Variants in TRAPPC6B observed in about 807,000 individuals in gnomAD.
TRAPPC6B encodes trafficking protein particle complex subunit 6B, also known as TRAPP complex subunit 6B.
TRAPPC6B carries 27 observed loss-of-function variants against 24.7 expected under a neutral mutation model. The ratio of observed to expected loss-of-function variants is 1.09; its 90% CI spans 0.81 to 1.51. The LOEUF is 1.51. Among genes scored for constraint, TRAPPC6B ranks in the 40% most tolerant of loss-of-function variants. The pLI, the probability that TRAPPC6B is intolerant of heterozygous loss-of-function variation, is 0.00. For synonymous variants in TRAPPC6B, 80 were observed against 66.6 expected (o/e 1.20, Z -0.98); for missense variants, 212 against 190.8 (o/e 1.11, Z -0.66).
At chr14:39,157,728 A>C (rs1241529764) in intron 3 of TRAPPC6B, 1 of 241,432 alleles carries the variant, frequency 4.1e-6, no homozygotes. Context: ...AAGCTATCAG[A>C]ACCAATTACG....
intron 1 of TRAPPC6B, among the ~76,000 whole-genome samples, chr14:39,164,416 C>T (rs2053087772): frequency 6.6e-6 from 1 of 152,066 alleles, no homozygotes; most frequent in Non-Finnish European, 1.5e-5. Flanking sequence ...TGCTTGAACC[C>T]AGGAGGCGGA....
chr14:39,162,324 A>AT (rs796943468), intron 1 of TRAPPC6B, among the ~76,000 whole-genome samples: 15,359 of 141,764 alleles, frequency 0.11, 2,614 homozygotes, highest in African/African-American at 0.37. Flanking sequence ...ATGCCTGGCT[A>AT]TTTTTTTTTT....
intron 5 of TRAPPC6B, among the ~76,000 whole-genome samples, chr14:39,151,148 T>G (rs1465424039): frequency 6.6e-6 from 1 of 151,968 alleles, no homozygotes; most frequent in Non-Finnish European, 1.5e-5. Flanking sequence ...TCCCAGCACT[T>G]TGGGAGGCCG....
rs924284016 is a variant in TRAPPC6B at position 39,149,579 on chromosome 14, G to A, written c.*771C>T. 1 of 152,166 alleles carries A rather than the reference G, an allele frequency of 6.6e-6. No individual in the cohort carries two copies. Among genetic ancestry groups the A allele is most frequent in the African/African-American group, 2.4e-5 (1 of 41,452 alleles). 9.4% of individuals were successfully genotyped at this position (152,166 alleles called of 1,614,324 possible). The stretch of plus-strand genomic sequence containing the variant: ...TATCCAACTCTGCTCAGCTGGAAGA[G>A]GAAAGAAGGGAATAAAGATGTTAGA... On this transcript the variant is annotated 3_prime_UTR_variant, in exon 6 of 6. Transcript: ENST00000330149.
intron 3 of TRAPPC6B, chr14:39,157,806 T>C (rs1304314733): frequency 8.9e-6 from 2 of 224,404 alleles, no homozygotes; most frequent in Non-Finnish European, 1.8e-5. Flanking sequence ...TGGCTTGAAT[T>C]GTCAAGCAGG....
At chr14:39,153,984 C>T (rs2139378312) in intron 4 of TRAPPC6B, among the ~76,000 whole-genome samples, 1 of 152,266 alleles carries the variant, frequency 6.6e-6, no homozygotes, top group Non-Finnish European at 1.5e-5. Flanking sequence ...GGATTACAGG[C>T]GTGAGCCATA....
At chr14:39,165,901 T>A (rs946647546) in intron 1 of TRAPPC6B, among the ~76,000 whole-genome samples, 15 of 152,122 alleles carry the variant, frequency 9.9e-5, no homozygotes, top group African/African-American at 3.4e-4. Flanking sequence ...CCTCCTGGGT[T>A]CAAGTGATTC....
chr14:39,161,500 T>TA (rs1372837186), intron 1 of TRAPPC6B, among the ~76,000 whole-genome samples: 2 of 152,202 alleles, frequency 1.3e-5, no homozygotes, highest in African/African-American at 2.4e-5. Flanking sequence ...CGGAATGACT[T>TA]AAGCACAAAT....
intron 1 of TRAPPC6B, 77 bp from the exon 2 acceptor site, chr14:39,159,627 G>T: frequency 9.2e-7 from 1 of 1,089,702 alleles, no homozygotes; most frequent in Non-Finnish European, 1.3e-6. Flanking sequence ...TTACAAGATT[G>T]GTTAAAAATA....
In TRAPPC6B at chr14:39,169,808, G is replaced by C. The variant is rs552354672; in HGVS notation, c.81+207C>G. ...ATAGACAAAAGAGAATCAAATAGAA[G>C]AAGATACGAAAGAGAAAACGATGAA... On this transcript the variant is annotated intron_variant, in intron 1 of 5. Coordinates refer to ENST00000330149, the MANE Select transcript of TRAPPC6B (RefSeq NM_001079537.2). 2.4e-4 allele frequency among the ~76,000 whole-genome samples: 36 copies of C among 152,286 alleles called. No homozygotes were observed. In the South Asian group the frequency reaches 6.6e-3, roughly 28 times the overall value.
At chr14:39,156,381 T>C (rs2052979623) in intron 3 of TRAPPC6B, among the ~76,000 whole-genome samples, 1 of 152,232 alleles carries the variant, frequency 6.6e-6, no homozygotes, top group South Asian at 2.1e-4. Flanking sequence ...TTTAATTTTT[T>C]ACTTAATCAA....
At chr14:39,159,743 CTTTT>C (rs76405968) in intron 1 of TRAPPC6B, among the ~76,000 whole-genome samples, 193 bp from the exon 2 acceptor site, 1 of 151,222 alleles carries the variant, frequency 6.6e-6, no homozygotes, top group Non-Finnish European at 1.5e-5. Flanking sequence ...TTACTTTTTA[CTTTT>C]TTTTTGATAA....
At position 39,169,352 on chromosome 14, in the gene TRAPPC6B, C is replaced by G. The variant is rs945837303; in HGVS notation, c.81+663G>C. Reference sequence around the variant, plus strand: ...GACTCCCACATATTAGAAGTAACCGCTACATACTATCACATTTCGGATTAA... The same window carrying G: ...GACTCCCACATATTAGAAGTAACCGGTACATACTATCACATTTCGGATTAA... On this transcript the variant is annotated intron_variant, in intron 1 of 5. Transcript: ENST00000330149. Among the ~76,000 whole-genome samples the G allele has an allele frequency of 5.3e-5, 8 of 152,146 alleles. 1 individual carries two copies. The South Asian group carries it at 1.5e-3, about 28-fold the overall frequency.
At chr14:39,169,637 T>C (rs539644615) in intron 1 of TRAPPC6B, among the ~76,000 whole-genome samples, 2 of 152,186 alleles carry the variant, frequency 1.3e-5, no homozygotes, top group South Asian at 4.1e-4. Context: ...GCTTCTCAGG[T>C]TGGCACAGGT....
intron 1 of TRAPPC6B, among the ~76,000 whole-genome samples, chr14:39,169,339 T>G (rs1267214558): frequency 8.7e-6 from 1 of 114,344 alleles, no homozygotes; most frequent in African/African-American, 3.3e-5. Context: ...CTCCCACATA[T>G]TAGAAGTAAC....
chr14:39,157,838 T>C (rs891329406), intron 3 of TRAPPC6B: 4 of 198,558 alleles, frequency 2.0e-5, no homozygotes, highest in African/African-American at 2.3e-5. Flanking sequence ...GCTAAAGAAC[T>C]TGACACCAAA....
chr14:39,155,898 T>A (rs566014201), intron 3 of TRAPPC6B, among the ~76,000 whole-genome samples: 1 of 152,218 alleles, frequency 6.6e-6, no homozygotes, highest in South Asian at 2.1e-4. Context: ...TTTCACTGTA[T>A]CCTTGAACTC....
At chr14:39,168,080 G>C (rs949464138) in intron 1 of TRAPPC6B, among the ~76,000 whole-genome samples, 1 of 151,974 alleles carries the variant, frequency 6.6e-6, no homozygotes, top group African/African-American at 2.4e-5. Context: ...GTCAGGCATG[G>C]TGGCCGGCAC....
At chr14:39,153,709 T>TC (rs1479400621) in intron 4 of TRAPPC6B, among the ~76,000 whole-genome samples, 25 of 150,820 alleles carry the variant, frequency 1.7e-4, no homozygotes, top group African/African-American at 5.3e-4. Context: ...TTTTCTTTTT[T>TC]TTTTTTTTTG....
Sources: gnomAD v4.1 joint callset for allele counts (sites outside exome capture counted in the v4.1 genomes callset) on GRCh38, gnomAD v4.1.1 for gene constraint, MANE v1.5 for transcripts, NCBI Gene and HGNC (gene_info 2026-07-23, HGNC 2026-07-21) for gene names.